The following TET2 variants were observed in gnomAD, a reference collection of about 807,000 sequenced individuals.
TET2 encodes the protein methylcytosine dioxygenase TET2.
Under a neutral mutation model 142.9 loss-of-function variants are expected in TET2, and 299 were observed. The observed-to-expected ratio is 2.09, with a 90% CI of 1.90 to 2.30. The LOEUF (loss-of-function observed/expected upper bound fraction) is 2.30. TET2 is among the 30% of genes most tolerant of loss of function. The pLI, the probability that TET2 is intolerant of heterozygous loss-of-function variation, is 0.00. For missense variants in TET2, 2,418 were observed against 2,378.0 expected (o/e 1.02, Z -0.35); for synonymous variants, 819 against 849.0 (o/e 0.96, Z 0.61).
intron 2 of TET2, among the ~76,000 whole-genome samples, chr4:105,233,448 T>C (rs991107323): frequency 1.4e-4 from 21 of 147,646 alleles, no homozygotes; most frequent in African/African-American, 5.0e-4. Flanking sequence ...AGAGAAGATC[T>C]GAGCTATGAA....
At chr4:105,193,912 C>T (rs1725929502) in intron 2 of TET2, among the ~76,000 whole-genome samples, 1 of 152,170 alleles carries the variant, frequency 6.6e-6, no homozygotes, top group African/African-American at 2.4e-5. Flanking sequence ...TGTTTGCTAT[C>T]CAAATTTTGT....
At chr4:105,199,013 T>G (rs1014341788) in intron 2 of TET2, among the ~76,000 whole-genome samples, 1 of 152,222 alleles carries the variant, frequency 6.6e-6, no homozygotes, top group Non-Finnish European at 1.5e-5. Context: ...TTTTAGCTAT[T>G]TGGAAACTTT....
At chr4:105,211,317 ATTGT>A (rs1727147057) in intron 2 of TET2, among the ~76,000 whole-genome samples, 1 of 152,156 alleles carries the variant, frequency 6.6e-6, no homozygotes, top group Admixed American at 6.6e-5. Flanking sequence ...TCAGTCTGAA[ATTGT>A]TTGTTTATTT....
chr4:105,174,408 T>G (rs895681512), intron 1 of TET2, among the ~76,000 whole-genome samples: 10 of 152,076 alleles, frequency 6.6e-5, no homozygotes, highest in African/African-American at 2.4e-4. Context: ...AAAAAACTCT[T>G]TAAAAACACA....
chr4:105,210,597 A>C (rs1727101335), intron 2 of TET2, among the ~76,000 whole-genome samples: 1 of 152,150 alleles, frequency 6.6e-6, no homozygotes. Flanking sequence ...TAGAAGCCTT[A>C]ATTTTTCTGT....
At chr4:105,212,861 G>T (rs1207703006) in intron 2 of TET2, among the ~76,000 whole-genome samples, 1 of 151,998 alleles carries the variant, frequency 6.6e-6, no homozygotes, top group African/African-American at 2.4e-5. Flanking sequence ...ATGGTGGCAC[G>T]TGCCTGTAGT....
At chr4:105,148,230 G>A (rs1410235199) in intron 1 of TET2, among the ~76,000 whole-genome samples, 4 of 152,170 alleles carry the variant, frequency 2.6e-5, no homozygotes, top group Non-Finnish European at 5.9e-5. Flanking sequence ...TGAAATATAA[G>A]TGTTATTTGC....
chr4:105,147,907 A>G (rs1046949368), intron 1 of TET2: 1 of 152,312 alleles, frequency 6.6e-6, no homozygotes, highest in African/African-American at 2.4e-5. Context: ...GGGCGCCTAA[A>G]GAAATGAAAC....
intron 1 of TET2, among the ~76,000 whole-genome samples, chr4:105,164,596 A>G (rs1724056187): frequency 1.3e-5 from 2 of 152,230 alleles, no homozygotes; most frequent in South Asian, 2.1e-4. Context: ...ATAGGAAATA[A>G]TCAATGCTTT....
chr4:105,160,399 A>G (rs746810121), intron 1 of TET2, among the ~76,000 whole-genome samples: 18 of 152,238 alleles, frequency 1.2e-4, no homozygotes, highest in South Asian at 4.1e-4. Flanking sequence ...TACTGGTGCT[A>G]TGTATTAGCT....
At chr4:105,187,127 C>T (rs2110471343) in intron 1 of TET2, among the ~76,000 whole-genome samples, 1 of 152,324 alleles carries the variant, frequency 6.6e-6, no homozygotes, top group East Asian at 1.9e-4. Context: ...CCCCCTAGAA[C>T]TGCTCACACC....
At chr4:105,242,501 A>C in intron 4 of TET2, 1 of 1,109,952 alleles carries the variant, frequency 9.0e-7, no homozygotes, top group Non-Finnish European at 1.1e-6. Context: ...GGGAAAAAAT[A>C]GTTTATGTTT....
chr4:105,162,810 A>G (rs1055399645), intron 1 of TET2, among the ~76,000 whole-genome samples: 3 of 152,198 alleles, frequency 2.0e-5, no homozygotes, highest in African/African-American at 7.2e-5. Flanking sequence ...CACTGTTTGT[A>G]TAGAACTATT....
chr4:105,272,015 A>ATCC (rs888017774), intron 9 of TET2, among the ~76,000 whole-genome samples: 2 of 152,092 alleles, frequency 1.3e-5, no homozygotes, highest in African/African-American at 4.8e-5. Flanking sequence ...TTACCTTTTC[A>ATCC]TTTTTTATAT....
chr4:105,156,103 A>G (rs1454916669), intron 1 of TET2, among the ~76,000 whole-genome samples: 5 of 152,198 alleles, frequency 3.3e-5, no homozygotes, highest in Non-Finnish European at 7.3e-5. Context: ...GTATCTCCAT[A>G]ATTTTAAAAA....
At chr4:105,167,349 T>C (rs1026470319) in intron 1 of TET2, among the ~76,000 whole-genome samples, 2 of 151,986 alleles carry the variant, frequency 1.3e-5, no homozygotes, top group African/African-American at 4.8e-5. Context: ...ACAACTAAAC[T>C]TAAGAAAAGT....
At position 105,234,857 on chromosome 4, in the gene TET2, TA is replaced by T. The variant is rs1220891802; in HGVS notation, c.918del (p.Lys306AsnfsTer2). Reference sequence around the variant, plus strand: ...ATGCTGATGATGCTGATAATGCCAGTAAACTAGCTGCAATGCTAAATACCTG... The same window carrying T: ...ATGCTGATGATGCTGATAATGCCAGTAACTAGCTGCAATGCTAAATACCTG... ...CDADDADNASKLAAMLNTCSF... is the reference protein window; with the variant it reads ...CDADDADNASXLAAMLNTCSF... On this transcript the variant is annotated frameshift_variant, in exon 3 of 11. Transcript: ENST00000380013. LOFTEE classifies it high-confidence loss of function. 1.2e-6 allele frequency: 2 copies of T among 1,614,042 alleles called. No homozygotes were observed. Among genetic ancestry groups the T allele is most frequent in the Non-Finnish European group, 1.7e-6 (2 of 1,180,004 alleles).
intron 1 of TET2, among the ~76,000 whole-genome samples, chr4:105,158,730 A>C (rs147594708): frequency 6.6e-6 from 1 of 152,318 alleles, no homozygotes; most frequent in African/African-American, 2.4e-5. Flanking sequence ...AACTGATCCT[A>C]AATTGAATTA....
intron 1 of TET2, among the ~76,000 whole-genome samples, chr4:105,159,135 G>T (rs1218017856): frequency 6.6e-6 from 1 of 152,050 alleles, no homozygotes; most frequent in Non-Finnish European, 1.5e-5. Flanking sequence ...CTCTGATAGG[G>T]TCATGAACCA....
Sources: allele counts gnomAD v4.1 joint callset (sites outside exome capture counted in the v4.1 genomes callset), GRCh38; gene constraint gnomAD v4.1.1; transcripts MANE v1.5; gene names NCBI Gene and HGNC (gene_info 2026-07-23, HGNC 2026-07-21).